The following OR10S1 variants were observed in gnomAD, a reference collection of about 807,000 sequenced individuals.
OR10S1 encodes the protein olfactory receptor 10S1.
For synonymous variants in OR10S1, 167 were observed against 164.1 expected, an observed-to-expected ratio of 1.02 and a Z score of -0.13; for missense variants, 415 against 407.9, an observed-to-expected ratio of 1.02 and a Z score of -0.15.
exon 1 of OR10S1, chr11:123,977,493 G>T: frequency 6.2e-7 from 1 of 1,614,034 alleles, no homozygotes; most frequent in Admixed American, 1.7e-5. Flanking sequence ...AAGCTGAGGT[G>T]AGAGTCAGAG....
At chr11:123,976,948 C>T in exon 1 of OR10S1, 2 of 1,613,934 alleles carry the variant, frequency 1.2e-6, no homozygotes, top group East Asian at 2.2e-5. Flanking sequence ...AGGCCCGCTG[C>T]CGGCCCTGGG....
exon 1 of OR10S1, chr11:123,976,777 C>G (rs1863722673): frequency 1.2e-6 from 2 of 1,614,200 alleles, no homozygotes; most frequent in Non-Finnish European, 8.5e-7. Flanking sequence ...CCTCCTTGTT[C>G]CGCAAAGTGT....
chr11:123,977,553 TGAG>T (rs765746305), exon 1 of OR10S1: 5 of 1,613,896 alleles, frequency 3.1e-6, no homozygotes, highest in East Asian at 4.5e-5. Context: ...ATGCTGTAGA[TGAG>T]GAGGAAGAGG....
chr11:123,977,250 C>T (rs1863729082), exon 1 of OR10S1: 1 of 1,614,052 alleles, frequency 6.2e-7, no homozygotes, highest in South Asian at 1.1e-5. Flanking sequence ...TTCATGGCCA[C>T]TGGGTAGTGC....
chr11:123,977,502 A>G, exon 1 of OR10S1: 2 of 1,614,030 alleles, frequency 1.2e-6, no homozygotes, highest in African/African-American at 2.7e-5. Context: ...TGAGAGTCAG[A>G]GCCCACAGTT....
exon 1 of OR10S1, chr11:123,976,778 C>T (rs763496091): frequency 1.2e-5 from 19 of 1,614,188 alleles, no homozygotes; most frequent in South Asian, 3.3e-5. Context: ...CTCCTTGTTC[C>T]GCAAAGTGTA....
exon 1 of OR10S1, chr11:123,977,560 G>C: frequency 6.2e-7 from 1 of 1,613,778 alleles, no homozygotes; most frequent in Non-Finnish European, 8.5e-7. Context: ...AGATGAGGAG[G>C]AAGAGGAGGA....
chr11:123,976,694 G>T, exon 1 of OR10S1: 1 of 1,602,688 alleles, frequency 6.2e-7, no homozygotes, highest in Non-Finnish European at 8.5e-7. Flanking sequence ...TGATAGCACA[G>T]ACTATGGGGG....
exon 1 of OR10S1, chr11:123,977,577 G>A: frequency 1.2e-6 from 2 of 1,613,358 alleles, no homozygotes; most frequent in African/African-American, 1.3e-5. Context: ...AGGAAGAAGA[G>A]GCTAGAATGT....
rs1565583617 is a variant in OR10S1, at chr11:123,977,510, GT to G, written c.154del (p.Thr52LeufsTer29). Reference sequence around the variant, plus strand: ...GCTGAGGTGAGAGTCAGAGCCCACAGTTAGGAGGATGAGGAGATTCCCAGCC... The same window carrying G: ...GCTGAGGTGAGAGTCAGAGCCCACAGTAGGAGGATGAGGAGATTCCCAGCC... On this transcript the variant is annotated frameshift_variant, in exon 1 of 1. Coordinates refer to ENST00000641123, the Ensembl canonical transcript of OR10S1. LOFTEE classifies it low-confidence loss of function (END_TRUNC). The G allele has an allele frequency of 6.2e-6, 10 of 1,613,810 alleles. No homozygotes were observed. Among genetic ancestry groups the G allele is most frequent in the Non-Finnish European group, 8.5e-6 (10 of 1,179,928 alleles).
At chr11:123,977,081 G>C in exon 1 of OR10S1, 2 of 1,614,256 alleles carry the variant, frequency 1.2e-6, no homozygotes, top group African/African-American at 2.7e-5. Context: ...GGTGGTGTCT[G>C]TACAGGCGAG....
At chr11:123,976,819 T>G (rs1863723171) in exon 1 of OR10S1, 1 of 1,614,164 alleles carries the variant, frequency 6.2e-7, no homozygotes, top group African/African-American at 1.3e-5. Flanking sequence ...GAGTTACGAT[T>G]GTGTAGAAGA....
exon 1 of OR10S1, chr11:123,977,446 C>T (rs905993345): frequency 6.2e-7 from 1 of 1,614,082 alleles, no homozygotes; most frequent in African/African-American, 1.3e-5. Flanking sequence ...AACAGGCATC[C>T]AGGAAGGAGA....
exon 1 of OR10S1, chr11:123,977,162 G>A: frequency 6.2e-7 from 1 of 1,614,230 alleles, no homozygotes; most frequent in Non-Finnish European, 8.5e-7. Flanking sequence ...CAGGCGGAAG[G>A]TGAGGGAGGT....
rs566665072 is a variant in OR10S1, at chr11:123,976,841, C to G, written c.824G>C (p.Gly275Ala). ...GATTGTGTAGAAGACAGCAGGGGCCCCAGCTCCTGCCTCACTGGAGCGAGG... is the reference window on the plus strand; with the variant it reads ...GATTGTGTAGAAGACAGCAGGGGCCGCAGCTCCTGCCTCACTGGAGCGAGG... Residue 275 changes from glycine to alanine, a missense_variant, in exon 1 of 1, where the codon GGG (glycine) becomes GCG (alanine). By Grantham distance (60) the Gly-to-Ala change is moderately conservative. Coordinates refer to ENST00000641123, the Ensembl canonical transcript of OR10S1. 2.1e-5 allele frequency: 34 copies of G among 1,614,136 alleles called. No individual in the cohort carries two copies. In the South Asian group the frequency reaches 3.7e-4, roughly 18 times the overall value.
Position 123,976,850 on chromosome 11 carries a change from G to T in OR10S1, c.815C>A (p.Ala272Glu), listed in dbSNP as rs377469564. 1.7e-5 allele frequency: 27 copies of T among 1,614,194 alleles called. No individual in the cohort carries two copies. The African/African-American group carries it at 3.1e-4, about 18-fold the overall frequency. Reference sequence around the variant, plus strand: ...GAAGACAGCAGGGGCCCCAGCTCCTGCCTCACTGGAGCGAGGCTGCAGGTA... The same window carrying T: ...GAAGACAGCAGGGGCCCCAGCTCCTTCCTCACTGGAGCGAGGCTGCAGGTA... Residue 272 changes from alanine (A) to glutamate (E), a missense_variant, in exon 1 of 1, where the codon GCA (alanine) becomes GAA (glutamate). Ala to Glu is a moderately radical substitution (Grantham distance 107). Transcript: ENST00000641123.
exon 1 of OR10S1, chr11:123,976,923 C>T: frequency 1.9e-6 from 3 of 1,613,998 alleles, no homozygotes; most frequent in Non-Finnish European, 2.5e-6. Flanking sequence ...GTGAGCTGGG[C>T]AGTGCAGGGG....
exon 1 of OR10S1, chr11:123,977,042 A>G: frequency 3.7e-6 from 6 of 1,614,210 alleles, no homozygotes; most frequent in Non-Finnish European, 4.2e-6. Flanking sequence ...CACGATGCCA[A>G]TGCTGGCAAG....
chr11:123,976,918 C>G (rs2137533064), exon 1 of OR10S1: 2 of 1,614,016 alleles, frequency 1.2e-6, no homozygotes, highest in Non-Finnish European at 1.7e-6. Context: ...CCCCAGTGAG[C>G]TGGGCAGTGC....
Sources: gnomAD v4.1 joint callset for allele counts on GRCh38, gnomAD v4.1.1 for gene constraint, MANE v1.5 for transcripts, NCBI Gene and HGNC (gene_info 2026-07-23, HGNC 2026-07-21) for gene names.